ZNF618: variants seen among roughly 807,000 people sequenced by gnomAD.
ZNF618 encodes neural precursor cell expressed, developmentally down-regulated 10.
A neutral mutation model predicts 103.0 loss-of-function variants in ZNF618; 34 were observed. That is an observed-to-expected ratio of 0.33 (90% CI 0.25 to 0.44). ZNF618 has a LOEUF of 0.44. Among genes scored for constraint, ZNF618 ranks in the 20% least tolerant of loss-of-function variants. The pLI is 1.00. For missense variants in ZNF618, 1,059 were observed against 1,295.4 expected (o/e 0.82, Z 2.80); for synonymous variants, 551 against 542.2 (o/e 1.02, Z -0.23).
At chr9:114,023,913 A>T (rs1222389987) in intron 10 of ZNF618, among the ~76,000 whole-genome samples, 1 of 152,070 alleles carries the variant, frequency 6.6e-6, no homozygotes, top group Non-Finnish European at 1.5e-5. Context: ...CAATTTCATT[A>T]TTTGTGTTTA....
chr9:114,008,389 T>C lies in ZNF618; in HGVS notation c.676+10T>C. 1 of 1,613,968 alleles carries C rather than the reference T, an allele frequency of 6.2e-7. No individual in the cohort carries two copies. Among genetic ancestry groups the C allele is most frequent in the Non-Finnish European group, 8.5e-7 (1 of 1,179,872 alleles). ...CCTGAGAACCGGGCAGGTAAGTCCT[T>C]GGTGTCTGCTTGTCACCTCCCCTGT... On this transcript the variant is annotated intron_variant, in intron 8 of 14. Transcript: ENST00000374126.
chr9:114,045,317 T>A (rs1036814732), intron 13 of ZNF618, among the ~76,000 whole-genome samples: 1 of 152,118 alleles, frequency 6.6e-6, no homozygotes. Flanking sequence ...TTCATATGTT[T>A]CCTTATAAAA....
chr9:114,032,768 C>T, intron 12 of ZNF618, 40 bp downstream of exon 12: 1 of 1,580,632 alleles, frequency 6.3e-7, no homozygotes, highest in South Asian at 1.1e-5. Context: ...GCGGTAGCTG[C>T]CAGCTTCGCC....
At chr9:113,934,675 A>G (rs370858882) in intron 1 of ZNF618, among the ~76,000 whole-genome samples, 6 of 152,302 alleles carry the variant, frequency 3.9e-5, no homozygotes, top group African/African-American at 1.4e-4. Context: ...CCGGTTGGTT[A>G]TGAGCATTCT....
At chr9:113,884,806 G>GAGAGAC (rs1828910625) in intron 1 of ZNF618, among the ~76,000 whole-genome samples, 1 of 150,282 alleles carries the variant, frequency 6.7e-6, no homozygotes, top group Non-Finnish European at 1.5e-5. Flanking sequence ...GAGAGAGAGA[G>GAGAGAC]AGAGAGACAG....
Position 114,043,253 on chromosome 9 carries a change from G to A in ZNF618, c.1247-4640G>A, listed in dbSNP as rs557750537. ...CTCTTTTGGGTATATACCTGGAAGT[G>A]GAGATTCTGAGCTGTAAGGTAATTC... On this transcript the variant is annotated intron_variant, in intron 13 of 14. Coordinates refer to ENST00000374126, the MANE Select transcript of ZNF618 (RefSeq NM_001318042.2). Among the ~76,000 whole-genome samples, 228 of 152,334 alleles carry A rather than the reference G, an allele frequency of 1.5e-3. 1 individual carries two copies. Among genetic ancestry groups the A allele is most frequent in the African/African-American group, 5.4e-3 (224 of 41,578 alleles).
At chr9:114,008,021 CTTTTCTCCTGCCCTG>C in intron 7 of ZNF618, among the ~76,000 whole-genome samples, 1 of 152,328 alleles carries the variant, frequency 6.6e-6, no homozygotes, top group Middle Eastern at 3.4e-3. Flanking sequence ...ATCTCTTCCT[CTTTTCTCCTGCCCTG>C]GCCCCTTGAA....
intron 6 of ZNF618, among the ~76,000 whole-genome samples, chr9:114,003,989 A>G (rs1029588342): frequency 5.9e-5 from 9 of 152,170 alleles, no homozygotes; most frequent in African/African-American, 2.2e-4. Context: ...TGGCCCACAG[A>G]CTGTTGCTTG....
At chr9:113,963,417 C>G (rs2132627916) in intron 1 of ZNF618, among the ~76,000 whole-genome samples, 1 of 152,240 alleles carries the variant, frequency 6.6e-6, no homozygotes, top group East Asian at 1.9e-4. Flanking sequence ...AATTAGTAAG[C>G]TACAAGACTT....
intron 2 of ZNF618, among the ~76,000 whole-genome samples, chr9:113,984,868 C>G (rs1839315986): frequency 1.3e-5 from 2 of 152,218 alleles, no homozygotes; most frequent in African/African-American, 2.4e-5. Flanking sequence ...ATGACCACCT[C>G]TGCAGCACTA....
intron 2 of ZNF618, among the ~76,000 whole-genome samples, chr9:113,975,199 A>G (rs142392217): frequency 9.1e-4 from 138 of 152,250 alleles, no homozygotes; most frequent in African/African-American, 3.2e-3. Context: ...TGATCCAAAT[A>G]TGTGTCTTGT....
At chr9:114,020,443 T>C (rs1304850350) in intron 10 of ZNF618, among the ~76,000 whole-genome samples, 2 of 152,166 alleles carry the variant, frequency 1.3e-5, no homozygotes, top group Admixed American at 1.3e-4. Flanking sequence ...TCCCAATCCA[T>C]GAACATGGTA....
At chr9:113,991,038 C>T (rs1455554329) in intron 3 of ZNF618, among the ~76,000 whole-genome samples, 1 of 152,180 alleles carries the variant, frequency 6.6e-6, no homozygotes, top group Admixed American at 6.5e-5. Context: ...AGGAGATGCC[C>T]AGGAAAGGAT....
In ZNF618 at chr9:113,960,881, G is replaced by T. The variant is rs375019507; in HGVS notation, c.34-8236G>T. 8.7e-4 allele frequency among the ~76,000 whole-genome samples: 133 copies of T among 152,298 alleles called. No individual in the cohort carries two copies. In the Middle Eastern group the frequency reaches 0.01, roughly 12 times the overall value. ...AGGGAGGCGTGGGCTCTGGCCTTGG[G>T]GTCTAGTCAGGAACTCCTTGTGTGA... On this transcript the variant is annotated intron_variant, in intron 1 of 14. Transcript: ENST00000374126.
chr9:113,928,745 T>C (rs1220247476), intron 1 of ZNF618, among the ~76,000 whole-genome samples: 1 of 152,198 alleles, frequency 6.6e-6, no homozygotes, highest in South Asian at 2.1e-4. Flanking sequence ...CCACTCTTAT[T>C]ATATTGGAGT....
intron 3 of ZNF618, among the ~76,000 whole-genome samples, chr9:113,994,101 G>A (rs1588270395): frequency 6.6e-6 from 1 of 152,194 alleles, no homozygotes; most frequent in East Asian, 1.9e-4. Flanking sequence ...TTTCAGGACC[G>A]AGGTACAGAG....
intron 1 of ZNF618, among the ~76,000 whole-genome samples, chr9:113,950,610 G>C (rs1835474908): frequency 6.6e-6 from 1 of 152,176 alleles, no homozygotes; most frequent in Admixed American, 6.5e-5. Context: ...TTCCGAGTCT[G>C]TTTTTTGAGC....
chr9:113,950,255 T>C (rs1835434293), intron 1 of ZNF618, among the ~76,000 whole-genome samples: 1 of 152,190 alleles, frequency 6.6e-6, no homozygotes, highest in Non-Finnish European at 1.5e-5. Context: ...CCACCGTATC[T>C]GTTCCCCTCT....
At chr9:114,039,481 G>A (rs1420270263) in intron 13 of ZNF618, among the ~76,000 whole-genome samples, 1 of 151,922 alleles carries the variant, frequency 6.6e-6, no homozygotes, top group Non-Finnish European at 1.5e-5. Flanking sequence ...CTCCCTAGTA[G>A]CTGGGATTAC....
Sources: allele counts gnomAD v4.1 joint callset (sites outside exome capture counted in the v4.1 genomes callset), GRCh38; gene constraint gnomAD v4.1.1; transcripts MANE v1.5; gene names NCBI Gene and HGNC (gene_info 2026-07-23, HGNC 2026-07-21).